Variants in COMMD10 observed in about 807,000 individuals in gnomAD.
COMMD10 encodes the protein COMM domain containing 10.
COMMD10 carries 33 observed loss-of-function variants against 28.9 expected under a neutral mutation model. The ratio of observed to expected loss-of-function variants is 1.14; its 90% CI spans 0.87 to 1.53. COMMD10 has a LOEUF of 1.53. Ranked by LOEUF, COMMD10 falls within the 40% of genes most tolerant of loss-of-function variation. The pLI is 0.00. For missense variants in COMMD10, 310 were observed against 233.4 expected (o/e 1.33, Z -2.14); for synonymous variants, 110 against 81.7 (o/e 1.35, Z -1.87).
At chr5:116,174,377 A>T (rs2112586341) in intron 5 of COMMD10, among the ~76,000 whole-genome samples, 1 of 152,124 alleles carries the variant, frequency 6.6e-6, no homozygotes, top group East Asian at 1.9e-4. Flanking sequence ...GTATTGCCTT[A>T]TAGGACTTGG....
intron 4 of COMMD10, among the ~76,000 whole-genome samples, chr5:116,123,034 A>G (rs6872757): frequency 0.82 from 124,712 of 152,122 alleles, 51,290 homozygotes; most frequent in African/African-American, 0.84. Flanking sequence ...AGTGGTGAGA[A>G]AGGGCATCCC....
Position 116,256,093 on chromosome 5 carries a change from G to A in COMMD10, c.511-35424G>A, listed in dbSNP as rs75346815. Among the ~76,000 whole-genome samples the A allele has an allele frequency of 7.6e-3, 1,160 of 151,652 alleles. 48 individuals are homozygous for A. The highest frequency in any genetic ancestry group is 0.027 in the African/African-American group (1,122 of 41,236). The stretch of plus-strand genomic sequence containing the variant: ...TCTATAAAAAGTTCCAAAAGCATTT[G>A]AAAAATATCCCACGGGTGATAAGTC... On this transcript the variant is annotated intron_variant, in intron 5 of 6. Transcript: ENST00000274458.
At chr5:116,092,465 A>G in intron 3 of COMMD10, 80 bp from the exon 4 acceptor site, 1 of 995,238 alleles carries the variant, frequency 1.0e-6, no homozygotes, top group Non-Finnish European at 1.4e-6. Context: ...GTCATTTAAA[A>G]ATAGTTTTGT....
intron 5 of COMMD10, among the ~76,000 whole-genome samples, chr5:116,140,229 C>CTGTG (rs113427747): frequency 0.47 from 56,942 of 122,124 alleles, 12,302 homozygotes; most frequent in Non-Finnish European, 0.53. Context: ...ACTCATACTA[C>CTGTG]TATGTGTGTG....
At chr5:116,125,426 G>T (rs6889212) in intron 4 of COMMD10, among the ~76,000 whole-genome samples, 1 of 151,978 alleles carries the variant, frequency 6.6e-6, no homozygotes, top group Non-Finnish European at 1.5e-5. Context: ...TGCGCTGTTA[G>T]TCTGGTGGGT....
chr5:116,142,763 T>C (rs1192966118), intron 5 of COMMD10, among the ~76,000 whole-genome samples: 2 of 151,792 alleles, frequency 1.3e-5, no homozygotes, highest in Admixed American at 6.6e-5. Flanking sequence ...GCTTTTGTTA[T>C]GTGTATTTTG....
At chr5:116,285,086 C>T (rs1384717761) in intron 5 of COMMD10, among the ~76,000 whole-genome samples, 2 of 151,820 alleles carry the variant, frequency 1.3e-5, no homozygotes, top group African/African-American at 2.4e-5. Context: ...CTAAGGAAAG[C>T]TGAATGTGTT....
At chr5:116,106,558 T>C (rs1388130733) in intron 4 of COMMD10, among the ~76,000 whole-genome samples, 3 of 152,224 alleles carry the variant, frequency 2.0e-5, no homozygotes, top group African/African-American at 7.2e-5. Flanking sequence ...TCTGTCTTTT[T>C]GATCTGTCTA....
At chr5:116,232,223 ACTTACCCATTGG>A (rs1393664813) in intron 5 of COMMD10, among the ~76,000 whole-genome samples, 1 of 152,132 alleles carries the variant, frequency 6.6e-6, no homozygotes, top group Non-Finnish European at 1.5e-5. Flanking sequence ...GCCTTCTGTA[ACTTACCCATTGG>A]CTTACTGGGT....
chr5:116,203,498 G>A (rs1394231534), intron 5 of COMMD10, among the ~76,000 whole-genome samples: 8 of 151,864 alleles, frequency 5.3e-5, no homozygotes, highest in South Asian at 2.1e-4. Flanking sequence ...GAGAAAGGTC[G>A]GGTTACCCAC....
At position 116,244,977 on chromosome 5, in the gene COMMD10, C is replaced by G. The variant is rs1580577871; in HGVS notation, c.511-46540C>G. Among the ~76,000 whole-genome samples, 4 of 150,416 alleles carry G rather than the reference C, an allele frequency of 2.7e-5. No homozygotes were observed. The South Asian group carries it at 8.4e-4, about 32-fold the overall frequency. On this transcript the variant is annotated intron_variant, in intron 5 of 6. Transcript: ENST00000274458. ...AAGCTAGCAGTAGACAAGAAATAAC[C>G]AAAATCAGAGCTGAATTGAAGGAGA... is the stretch of plus-strand genomic sequence containing the variant.
intron 4 of COMMD10, among the ~76,000 whole-genome samples, chr5:116,127,306 C>T (rs559808629): frequency 6.6e-6 from 1 of 151,986 alleles, no homozygotes; most frequent in African/African-American, 2.4e-5. Flanking sequence ...GGAGAAATAG[C>T]AATGCTTTTA....
intron 5 of COMMD10, among the ~76,000 whole-genome samples, chr5:116,171,521 A>G (rs1029874687): frequency 2.0e-5 from 3 of 152,222 alleles, no homozygotes; most frequent in Admixed American, 1.3e-4. Context: ...ATAAAGACAC[A>G]TGCACGTGTA....
intron 5 of COMMD10, among the ~76,000 whole-genome samples, chr5:116,184,161 A>G (rs1480473658): frequency 2.0e-5 from 3 of 151,996 alleles, no homozygotes; most frequent in Non-Finnish European, 4.4e-5. Flanking sequence ...TGTATTTATT[A>G]CCATAATAAC....
intron 5 of COMMD10, among the ~76,000 whole-genome samples, chr5:116,247,556 CAG>C (rs1198847339): frequency 2.6e-5 from 4 of 152,030 alleles, no homozygotes; most frequent in South Asian, 2.1e-4. Context: ...ACAGCAAAGA[CAG>C]GGAATCAAGC....
intron 5 of COMMD10, among the ~76,000 whole-genome samples, chr5:116,145,788 C>G (rs1752330424): frequency 6.6e-6 from 1 of 151,860 alleles, no homozygotes; most frequent in Non-Finnish European, 1.5e-5. Context: ...ATAAGGGGCT[C>G]TTACCCCTTT....
chr5:116,291,627 T>C (rs572939146), intron 6 of COMMD10, 51 bp downstream of exon 6: 59 of 1,019,064 alleles, frequency 5.8e-5, no homozygotes, highest in Non-Finnish European at 7.8e-5. Context: ...TTTCATAATA[T>C]TTTGTTTCAT....
chr5:116,112,295 T>C (rs1227441593), intron 4 of COMMD10, among the ~76,000 whole-genome samples: 1 of 152,218 alleles, frequency 6.6e-6, no homozygotes, highest in African/African-American at 2.4e-5. Flanking sequence ...CTTTAGATTT[T>C]CGTTGGCCCA....
In COMMD10 at chr5:116,283,420, C is replaced by G. The variant is rs186550559; in HGVS notation, c.511-8097C>G. ...GGAGTGCAGAGGCACAGTCTTGGCT[C>G]ACTGCAACCTCCACCTCCCGGGTTC... On this transcript the variant is annotated intron_variant, in intron 5 of 6. Transcript: ENST00000274458. 2.6e-3 allele frequency among the ~76,000 whole-genome samples: 387 copies of G among 151,520 alleles called. 1 individual carries two copies. The highest frequency in any genetic ancestry group is 4.3e-3 in the Non-Finnish European group (295 of 67,980).
Sources: allele counts gnomAD v4.1 joint callset (sites outside exome capture counted in the v4.1 genomes callset), GRCh38; gene constraint gnomAD v4.1.1; transcripts MANE v1.5; gene names NCBI Gene and HGNC (gene_info 2026-07-23, HGNC 2026-07-21).